Variants in KCNIP4 observed in about 807,000 individuals in gnomAD.
KCNIP4 encodes potassium voltage-gated channel interacting protein 4.
KCNIP4 carries 12 observed loss-of-function variants against 34.0 expected under a neutral mutation model. The observed-to-expected ratio is 0.35, with a 90% CI of 0.23 to 0.57. The LOEUF (loss-of-function observed/expected upper bound fraction) is 0.57. Among genes scored for constraint, KCNIP4 ranks in the 20% least tolerant of loss-of-function variants. The pLI is 0.83. For synonymous variants in KCNIP4, 124 were observed against 102.2 expected, an observed-to-expected ratio of 1.21 and a Z score of -1.29; for missense variants, 238 against 311.7, an observed-to-expected ratio of 0.76 and a Z score of 1.78.
At chr4:21,658,864 A>T (rs1431489563) in intron 1 of KCNIP4, among the ~76,000 whole-genome samples, 1 of 152,110 alleles carries the variant, frequency 6.6e-6, no homozygotes, top group Non-Finnish European at 1.5e-5. Context: ...GGTCGGTCTA[A>T]ATCTTTCCTT....
At chr4:21,126,631 A>AG (rs1553942379) in intron 1 of KCNIP4, among the ~76,000 whole-genome samples, 10,921 of 143,064 alleles carry the variant, frequency 0.076, 569 homozygotes, top group Middle Eastern at 0.16. Flanking sequence ...AAAAAAAAAA[A>AG]AGAAAAGAAA....
chr4:21,564,735 A>C (rs1031886403), intron 1 of KCNIP4, among the ~76,000 whole-genome samples: 1 of 152,080 alleles, frequency 6.6e-6, no homozygotes, highest in Non-Finnish European at 1.5e-5. Flanking sequence ...GCATCTGCTT[A>C]TGGTGAGGGC....
intron 1 of KCNIP4, among the ~76,000 whole-genome samples, chr4:20,899,820 C>G (rs974324441): frequency 1.3e-5 from 2 of 152,138 alleles, no homozygotes; most frequent in Non-Finnish European, 2.9e-5. Context: ...CCACTAAGAC[C>G]TTAAACTACT....
In KCNIP4 at chr4:21,269,419, T is replaced by C. The variant is rs571983207; in HGVS notation, c.62-386710A>G. Among the ~76,000 whole-genome samples, 9 of 152,214 alleles carry C rather than the reference T, an allele frequency of 5.9e-5. No individual in the cohort carries two copies. In the South Asian group the frequency reaches 1.2e-3, roughly 21 times the overall value. ...GTTTTATTTATTTTTATTTATTTAT[T>C]TGGGGGGACAGGGTCTCAGTCCAAT... On this transcript the variant is annotated intron_variant, in intron 1 of 8. Transcript: ENST00000382152.
intron 1 of KCNIP4, among the ~76,000 whole-genome samples, chr4:20,882,933 C>T (rs1389561114): frequency 4.7e-5 from 7 of 148,220 alleles, no homozygotes; most frequent in Non-Finnish European, 8.9e-5. Flanking sequence ...TAATGACGAA[C>T]AAGTGAAAGC....
chr4:20,862,532 G>A (rs1311402527), intron 2 of KCNIP4, among the ~76,000 whole-genome samples: 1 of 152,198 alleles, frequency 6.6e-6, no homozygotes, highest in Non-Finnish European at 1.5e-5. Flanking sequence ...ATTTTAAAAA[G>A]CAATGGTATG....
At chr4:21,178,978 A>G (rs1255972740) in intron 1 of KCNIP4, among the ~76,000 whole-genome samples, 1 of 151,880 alleles carries the variant, frequency 6.6e-6, no homozygotes, top group Non-Finnish European at 1.5e-5. Context: ...CACCATGCCC[A>G]GCTAATTTTT....
chr4:21,326,164 T>A (rs931885208), intron 1 of KCNIP4, among the ~76,000 whole-genome samples: 27 of 151,816 alleles, frequency 1.8e-4, no homozygotes, highest in Non-Finnish European at 1.2e-4. Flanking sequence ...GTCTAGATGA[T>A]CAGTTCAATG....
intron 1 of KCNIP4, among the ~76,000 whole-genome samples, chr4:20,917,657 A>T (rs1051162378): frequency 6.6e-6 from 1 of 152,222 alleles, no homozygotes; most frequent in Non-Finnish European, 1.5e-5. Context: ...GATTGAAAGC[A>T]CAGTCTAAGC....
chr4:21,573,341 C>T (rs1394071568), intron 1 of KCNIP4, among the ~76,000 whole-genome samples: 3 of 152,116 alleles, frequency 2.0e-5, no homozygotes, highest in East Asian at 3.9e-4. Flanking sequence ...TCTCTTTTAT[C>T]AGTGGCTGTT....
intron 1 of KCNIP4, among the ~76,000 whole-genome samples, chr4:21,393,646 T>G (rs536458898): frequency 6.6e-6 from 1 of 152,282 alleles, no homozygotes; most frequent in South Asian, 2.1e-4. Flanking sequence ...CCCTGAAAAT[T>G]TCAAGTTATT....
chr4:21,151,405 A>ATTTTTTTTTTTTT lies in KCNIP4; in HGVS notation c.62-268697_62-268696insAAAAAAAAAAAAA, dbSNP rs1491541435. ...AGAATGGATGTCTTCAACAAAAGAC[A>ATTTTTTTTTTTTT]ATTTTTTTTTTTTTTTTTTTTTTTT... On this transcript the variant is annotated intron_variant, in intron 1 of 8. Transcript: ENST00000382152. Among the ~76,000 whole-genome samples, 42 of 93,512 alleles carry ATTTTTTTTTTTTT rather than the reference A, an allele frequency of 4.5e-4. 14 individuals are homozygous for ATTTTTTTTTTTTT. The highest frequency in any genetic ancestry group is 5.7e-4 in the African/African-American group (14 of 24,702). 61.3% of individuals were successfully genotyped at this position (93,512 alleles called of 152,430 possible).
intron 1 of KCNIP4, among the ~76,000 whole-genome samples, chr4:21,000,695 A>G (rs1039519566): frequency 6.6e-6 from 1 of 152,156 alleles, no homozygotes; most frequent in East Asian, 1.9e-4. Flanking sequence ...CAAAGAAGAA[A>G]AAAAAAAAGA....
At position 21,468,780 on chromosome 4, in the gene KCNIP4, T is replaced by C. The variant is rs1730207214; in HGVS notation, c.61+479791A>G. On this transcript the variant is annotated intron_variant, in intron 1 of 8. Coordinates refer to ENST00000382152, the MANE Select transcript of KCNIP4 (RefSeq NM_025221.6). The stretch of plus-strand genomic sequence containing the variant: ...GGCTGACAAATCTAATCAAATTAAC[T>C]CCACCTTAAAGCAAAACCCTGTTTC... 2.0e-5 allele frequency among the ~76,000 whole-genome samples: 3 copies of C among 152,284 alleles called. No individual in the cohort carries two copies. The South Asian group carries it at 6.2e-4, about 32-fold the overall frequency.
chr4:21,935,256 C>T (rs1578160685), intron 1 of KCNIP4, among the ~76,000 whole-genome samples: 1 of 152,102 alleles, frequency 6.6e-6, no homozygotes, highest in African/African-American at 2.4e-5. Context: ...TTCTCAATGA[C>T]CTTTCCACCT....
chr4:21,031,639 C>T (rs1741035283), intron 1 of KCNIP4, among the ~76,000 whole-genome samples: 1 of 152,016 alleles, frequency 6.6e-6, no homozygotes, highest in Non-Finnish European at 1.5e-5. Flanking sequence ...GTACAATATC[C>T]CCTTGGCTTG....
At chr4:21,817,106 C>T (rs113135142) in intron 1 of KCNIP4, among the ~76,000 whole-genome samples, 51 of 152,138 alleles carry the variant, frequency 3.4e-4, no homozygotes, top group African/African-American at 1.2e-3. Flanking sequence ...ATCTTCATTC[C>T]AATTCCACAT....
chr4:21,684,087 T>G (rs1750624181), intron 1 of KCNIP4, among the ~76,000 whole-genome samples: 1 of 152,086 alleles, frequency 6.6e-6, no homozygotes, highest in African/African-American at 2.4e-5. Flanking sequence ...ACTAGTTTAC[T>G]TATATAACAC....
intron 1 of KCNIP4, among the ~76,000 whole-genome samples, chr4:21,050,713 G>C (rs1484504490): frequency 6.6e-6 from 1 of 152,120 alleles, no homozygotes; most frequent in Admixed American, 6.6e-5. Flanking sequence ...GCAATAAGGG[G>C]TATTTTCCTC....
Sources: allele counts gnomAD v4.1 joint callset (sites outside exome capture counted in the v4.1 genomes callset), GRCh38; gene constraint gnomAD v4.1.1; transcripts MANE v1.5; gene names NCBI Gene and HGNC (gene_info 2026-07-23, HGNC 2026-07-21).